The following RGS6 variants were observed in gnomAD, a reference collection of about 807,000 sequenced individuals.
RGS6 encodes regulator of G protein signaling 6, also known as regulator of G-protein signaling 6.
Under a neutral mutation model 78.5 loss-of-function variants are expected in RGS6, and 30 were observed. The observed-to-expected ratio is 0.38, with a 90% CI of 0.29 to 0.52. The LOEUF is 0.52. RGS6 is among the 20% of genes least tolerant of loss of function. The pLI, the probability that RGS6 is intolerant of heterozygous loss-of-function variation, is 0.85. For synonymous variants in RGS6, 206 were observed against 206.0 expected (o/e 1.00, Z 0.00); for missense variants, 495 against 609.7 (o/e 0.81, Z 1.98).
intron 2 of RGS6, among the ~76,000 whole-genome samples, chr14:72,015,914 C>T (rs561271464): frequency 6.6e-6 from 1 of 151,902 alleles, no homozygotes; most frequent in Admixed American, 6.6e-5. Flanking sequence ...TGCCATTGGC[C>T]TTTTTATTAA....
intron 17 of RGS6, among the ~76,000 whole-genome samples, chr14:72,559,417 C>T (rs1389700780): frequency 2.0e-5 from 3 of 152,192 alleles, no homozygotes; most frequent in Non-Finnish European, 4.4e-5. Flanking sequence ...TACCCATGCC[C>T]GCATCCTGCA....
chr14:72,419,611 T>C (rs185558235), intron 3 of RGS6, among the ~76,000 whole-genome samples: 1 of 152,348 alleles, frequency 6.6e-6, no homozygotes, highest in East Asian at 1.9e-4. Flanking sequence ...GTTCCTGCTT[T>C]GTGCTGGCCA....
the RGS6 span, among the ~76,000 whole-genome samples, chr14:71,922,018 C>G: frequency 6.6e-6 from 1 of 152,188 alleles, no homozygotes; most frequent in Non-Finnish European, 1.5e-5. Flanking sequence ...TTAAATCCCA[C>G]CTATTTTTTA....
At chr14:72,539,414 C>T (rs1392256523) in intron 16 of RGS6, among the ~76,000 whole-genome samples, 1 of 152,190 alleles carries the variant, frequency 6.6e-6, no homozygotes, top group Non-Finnish European at 1.5e-5. Flanking sequence ...GTAGACCCTC[C>T]TTGCTCTAAG....
chr14:72,310,046 C>T (rs1410449888), intron 2 of RGS6, among the ~76,000 whole-genome samples: 2 of 152,244 alleles, frequency 1.3e-5, no homozygotes, highest in Non-Finnish European at 2.9e-5. Flanking sequence ...CCTCCTTCTG[C>T]CTCTCAATCC....
the RGS6 span, among the ~76,000 whole-genome samples, chr14:72,589,575 T>G: frequency 6.7e-6 from 1 of 149,050 alleles, no homozygotes; most frequent in Non-Finnish European, 1.5e-5. Context: ...TGATGTAAAT[T>G]TCTTGGGAAG....
intron 2 of RGS6, among the ~76,000 whole-genome samples, chr14:72,300,933 G>T (rs1272420331): frequency 6.6e-6 from 1 of 152,236 alleles, no homozygotes; most frequent in Non-Finnish European, 1.5e-5. Flanking sequence ...AAATGAGGCA[G>T]TGTGGCCATG....
chr14:72,032,302 G>A (rs1395839060), intron 2 of RGS6, among the ~76,000 whole-genome samples: 3 of 152,190 alleles, frequency 2.0e-5, no homozygotes, highest in Non-Finnish European at 4.4e-5. Context: ...TGAGTCAGCA[G>A]TGGTTTATCA....
intron 2 of RGS6, among the ~76,000 whole-genome samples, chr14:72,117,458 T>C (rs2095925042): frequency 6.6e-6 from 1 of 152,030 alleles, no homozygotes; most frequent in South Asian, 2.1e-4. Flanking sequence ...TTCACCATGA[T>C]TGTAGCTTCC....
In RGS6 at chr14:72,024,693, G is replaced by T. The variant is rs142524107; in HGVS notation, c.84+59818G>T. Among the ~76,000 whole-genome samples, 221 of 152,302 alleles carry T rather than the reference G, an allele frequency of 1.5e-3. 2 individuals are homozygous for T. The highest frequency in any genetic ancestry group is 0.01 in the Middle Eastern group (3 of 292). The stretch of plus-strand genomic sequence containing the variant: ...GGGCATAAATGAACAAACTAGCTCA[G>T]CAGGCTTAGGTGGCTCTCCCAAAGT... On this transcript the variant is annotated intron_variant, in intron 2 of 17. Transcript: ENST00000553525.
intron 2 of RGS6, among the ~76,000 whole-genome samples, chr14:72,087,753 CTTCA>C: frequency 6.6e-6 from 1 of 151,748 alleles, no homozygotes; most frequent in East Asian, 1.9e-4. Context: ...ATTCGCAATT[CTTCA>C]TTATATTATT....
intron 2 of RGS6, among the ~76,000 whole-genome samples, chr14:72,330,327 G>T (rs1162907527): frequency 6.6e-6 from 1 of 152,250 alleles, no homozygotes; most frequent in Non-Finnish European, 1.5e-5. Flanking sequence ...AAAGGAGCAG[G>T]TATTCCAAGT....
At chr14:72,374,186 C>G (rs962416117) in intron 3 of RGS6, among the ~76,000 whole-genome samples, 3 of 151,992 alleles carry the variant, frequency 2.0e-5, no homozygotes, top group Non-Finnish European at 2.9e-5. Flanking sequence ...GTGTGCTGCA[C>G]CCATTAACTC....
intron 2 of RGS6, among the ~76,000 whole-genome samples, chr14:72,086,005 T>G (rs1041308169): frequency 6.6e-6 from 1 of 152,040 alleles, no homozygotes; most frequent in African/African-American, 2.4e-5. Context: ...ATCTTTTTTT[T>G]CCTGTCCTCT....
At chr14:72,171,196 TTGTC>T (rs1304119776) in intron 2 of RGS6, among the ~76,000 whole-genome samples, 1 of 152,124 alleles carries the variant, frequency 6.6e-6, no homozygotes, top group East Asian at 1.9e-4. Context: ...TGAAGGGATT[TTGTC>T]TGTGCATGCA....
chr14:72,153,495 G>A (rs933026057), intron 2 of RGS6, among the ~76,000 whole-genome samples: 3 of 152,210 alleles, frequency 2.0e-5, no homozygotes. Flanking sequence ...CTTCTCATCA[G>A]TGAGATAGCT....
intron 2 of RGS6, among the ~76,000 whole-genome samples, chr14:72,137,927 G>A (rs2096472435): frequency 6.6e-6 from 1 of 152,056 alleles, no homozygotes; most frequent in Non-Finnish European, 1.5e-5. Context: ...GGGACTGAGA[G>A]TCCCAGCCCT....
intron 3 of RGS6, among the ~76,000 whole-genome samples, chr14:72,366,372 C>G (rs1173250836): frequency 6.6e-6 from 1 of 151,952 alleles, no homozygotes; most frequent in Non-Finnish European, 1.5e-5. Context: ...GGGAGAAGGC[C>G]AAACACAAGA....
chr14:72,033,962 C>A (rs1251736233), intron 2 of RGS6, among the ~76,000 whole-genome samples: 6 of 152,120 alleles, frequency 3.9e-5, no homozygotes, highest in Admixed American at 2.6e-4. Flanking sequence ...TCCTAACAGG[C>A]ATGAAGTGAT....
Sources: gnomAD v4.1 joint callset for allele counts (sites outside exome capture counted in the v4.1 genomes callset) on GRCh38, gnomAD v4.1.1 for gene constraint, MANE v1.5 for transcripts, NCBI Gene and HGNC (gene_info 2026-07-23, HGNC 2026-07-21) for gene names.